LEF1: variants seen among roughly 807,000 people sequenced by gnomAD.
LEF1 encodes lymphoid enhancer binding factor 1.
In LEF1, 14 loss-of-function variants were observed where a neutral mutation model predicts 51.2. The ratio of observed to expected loss-of-function variants is 0.27; its 90% CI spans 0.18 to 0.43. LEF1 has a LOEUF of 0.43. Ranked by LOEUF, LEF1 falls within the 20% of genes least tolerant of loss-of-function variation. The pLI, the probability that LEF1 is intolerant of heterozygous loss-of-function variation, is 1.00. For synonymous variants in LEF1, 185 were observed against 183.2 expected, an observed-to-expected ratio of 1.01 and a Z score of -0.08; for missense variants, 386 against 512.0, an observed-to-expected ratio of 0.75 and a Z score of 2.37.
chr4:108,099,619 A>ATAT (rs1740675921), intron 3 of LEF1, among the ~76,000 whole-genome samples: 1 of 94,528 alleles, frequency 1.1e-5, no homozygotes, highest in South Asian at 3.7e-4. Context: ...TATATATATA[A>ATAT]ATAATACTTG....
chr4:108,085,113 C>G (rs1739560898), intron 4 of LEF1, among the ~76,000 whole-genome samples: 1 of 152,062 alleles, frequency 6.6e-6, no homozygotes, highest in Admixed American at 6.5e-5. Context: ...ATTTTTGAGA[C>G]AGTCTCCCTC....
At chr4:108,109,728 C>T (rs1741401626) in intron 3 of LEF1, among the ~76,000 whole-genome samples, 1 of 152,138 alleles carries the variant, frequency 6.6e-6, no homozygotes, top group Admixed American at 6.5e-5. Flanking sequence ...ATTCAGGGTA[C>T]TGAATAAGAC....
At chr4:108,057,139 TA>T (rs1560755409) in intron 11 of LEF1, among the ~76,000 whole-genome samples, 1 of 152,058 alleles carries the variant, frequency 6.6e-6, no homozygotes, top group African/African-American at 2.4e-5. Flanking sequence ...GCTTGTTTGG[TA>T]ACAATTCTAG....
chr4:108,049,104 G>A (rs1376447444), intron 11 of LEF1, among the ~76,000 whole-genome samples: 1 of 152,164 alleles, frequency 6.6e-6, no homozygotes, highest in Non-Finnish European at 1.5e-5. Flanking sequence ...AGCCAGATCA[G>A]GGAAAGATGT....
chr4:108,163,519 A>G, intron 3 of LEF1, 49 bp downstream of exon 3: 1 of 1,587,576 alleles, frequency 6.3e-7, no homozygotes, highest in Non-Finnish European at 8.6e-7. Flanking sequence ...CAAAATACAA[A>G]TCAATTTGCA....
chr4:108,136,654 T>C (rs990122398), intron 3 of LEF1, among the ~76,000 whole-genome samples: 3 of 152,178 alleles, frequency 2.0e-5, no homozygotes, highest in Non-Finnish European at 4.4e-5. Flanking sequence ...AAACATGCTA[T>C]TGTAATTCTT....
At chr4:108,152,231 G>A (rs1744398921) in intron 3 of LEF1, among the ~76,000 whole-genome samples, 1 of 152,122 alleles carries the variant, frequency 6.6e-6, no homozygotes, top group Non-Finnish European at 1.5e-5. Flanking sequence ...TAGAGAACAG[G>A]GCATTTCAGC....
rs781480578 is a variant in LEF1 at position 108,081,557 on chromosome 4, C to T, written c.722+29G>A. ...AAGCACGAGAAGAGCAACTTGTCCTCGAGCGCCCCAGTTTCCACCTCCACC... is the reference window on the plus strand; with the variant it reads ...AAGCACGAGAAGAGCAACTTGTCCTTGAGCGCCCCAGTTTCCACCTCCACC... On this transcript the variant is annotated intron_variant, in intron 6 of 11. Transcript: ENST00000265165. 18 of 1,585,708 alleles carry T rather than the reference C, an allele frequency of 1.1e-5. No homozygotes were observed. In the Admixed American group the frequency reaches 1.5e-4, roughly 13 times the overall value.
chr4:108,130,336 G>A (rs1036915731), intron 3 of LEF1, among the ~76,000 whole-genome samples: 2 of 152,104 alleles, frequency 1.3e-5, no homozygotes, highest in South Asian at 4.1e-4. Flanking sequence ...ATCCTTAAAG[G>A]CACAAGAATG....
chr4:108,067,727 A>G (rs1404247069), intron 9 of LEF1, among the ~76,000 whole-genome samples: 1 of 151,530 alleles, frequency 6.6e-6, no homozygotes. Context: ...ACAGGATTTC[A>G]CCATGTTGGT....
chr4:108,073,650 A>ATAGG, intron 8 of LEF1, among the ~76,000 whole-genome samples: 1 of 152,300 alleles, frequency 6.6e-6, no homozygotes, highest in Admixed American at 6.5e-5. Context: ...AACTCCCAAA[A>ATAGG]TAGGTATCAA....
chr4:108,132,304 AC>A (rs1167849513), intron 3 of LEF1, among the ~76,000 whole-genome samples: 2 of 152,062 alleles, frequency 1.3e-5, no homozygotes, highest in Non-Finnish European at 2.9e-5. Context: ...CCCATTCTGT[AC>A]CCCCTCAAAA....
chr4:108,140,755 C>G (rs774229888), intron 3 of LEF1, among the ~76,000 whole-genome samples: 1 of 152,148 alleles, frequency 6.6e-6, no homozygotes, highest in Non-Finnish European at 1.5e-5. Context: ...CTTTGCATGC[C>G]AGGGCTTCAA....
rs193230511 is a variant in LEF1, at chr4:108,111,544, T to C, written c.415-22287A>G. ...TATATATTTCCAGCCCTAACTGTCA[T>C]TTATTACCATTTACCTTATTTAATC... On this transcript the variant is annotated intron_variant, in intron 3 of 11. Coordinates refer to ENST00000265165, the MANE Select transcript of LEF1 (RefSeq NM_016269.5). 1.2e-4 allele frequency among the ~76,000 whole-genome samples: 18 copies of C among 152,316 alleles called. 1 individual carries two copies. The highest frequency in any genetic ancestry group is 4.1e-4 in the African/African-American group (17 of 41,560).
chr4:108,075,751 T>A (rs1379801351), intron 8 of LEF1, among the ~76,000 whole-genome samples: 1 of 152,186 alleles, frequency 6.6e-6, no homozygotes, highest in Non-Finnish European at 1.5e-5. Flanking sequence ...AGAGTGTCTA[T>A]CCTAGTTGTA....
At chr4:108,125,408 C>T (rs1742465253) in intron 3 of LEF1, among the ~76,000 whole-genome samples, 1 of 152,154 alleles carries the variant, frequency 6.6e-6, no homozygotes, top group South Asian at 2.1e-4. Flanking sequence ...GGTGATCCGC[C>T]CACCTTAGCC....
chr4:108,096,383 C>T (rs1036252223), intron 3 of LEF1, among the ~76,000 whole-genome samples: 10 of 151,994 alleles, frequency 6.6e-5, no homozygotes, highest in Non-Finnish European at 1.2e-4. Context: ...TGGGGCAGAG[C>T]GAGAATCCAA....
intron 3 of LEF1, among the ~76,000 whole-genome samples, chr4:108,162,274 AAGCTTAT>A (rs774343483): frequency 3.3e-5 from 5 of 152,168 alleles, no homozygotes; most frequent in Non-Finnish European, 7.3e-5. Context: ...AAATTAGAAA[AAGCTTAT>A]TCCTTAGCTG....
In LEF1 at chr4:108,047,986, C is replaced by T. The variant is rs990119108; in HGVS notation, c.*772G>A. The T allele has an allele frequency of 6.6e-6, 1 of 152,596 alleles. No homozygotes were observed. Among genetic ancestry groups the T allele is most frequent in the Non-Finnish European group, 1.5e-5 (1 of 68,036 alleles). 9.5% of individuals were successfully genotyped at this position (152,596 alleles called of 1,614,324 possible). ...TTATTTAGCTCTACTGAACACCTTA[C>T]AAGGGCGGAGAAGCCACTATGTGTT... is the stretch of plus-strand genomic sequence containing the variant. On this transcript the variant is annotated 3_prime_UTR_variant, in exon 12 of 12. Transcript: ENST00000265165.
Sources: allele counts gnomAD v4.1 joint callset (sites outside exome capture counted in the v4.1 genomes callset), GRCh38; gene constraint gnomAD v4.1.1; transcripts MANE v1.5; gene names NCBI Gene and HGNC (gene_info 2026-07-23, HGNC 2026-07-21).